RAPGEF4: variants seen among roughly 807,000 people sequenced by gnomAD.
RAPGEF4 encodes the protein RAP guanine-nucleotide-exchange factor (GEF) 4.
In RAPGEF4, 66 loss-of-function variants were observed where a neutral mutation model predicts 147.9. The observed-to-expected ratio is 0.45, with a 90% CI of 0.37 to 0.55. The LOEUF (loss-of-function observed/expected upper bound fraction) is 0.55. Ranked by LOEUF, RAPGEF4 falls within the 20% of genes least tolerant of loss-of-function variation. RAPGEF4 has a pLI of 0.00. For synonymous variants in RAPGEF4, 419 were observed against 442.7 expected (o/e 0.95, Z 0.67); for missense variants, 1,071 against 1,257.3 (o/e 0.85, Z 2.24).
At chr2:172,871,093 GA>G (rs2149810163) in intron 4 of RAPGEF4, among the ~76,000 whole-genome samples, 2 of 152,096 alleles carry the variant, frequency 1.3e-5, no homozygotes, top group East Asian at 1.9e-4. Flanking sequence ...TTTTCTAGGG[GA>G]AAAAAAGAGG....
At position 173,011,168 on chromosome 2, in the gene RAPGEF4, G is replaced by A. The variant is rs552156794; in HGVS notation, c.1659-3296G>A. The stretch of plus-strand genomic sequence containing the variant: ...GGAACCTTGGAACTTCAGCGCGCGC[G>A]CGCACACACACACACACACACACAC... On this transcript the variant is annotated intron_variant, in intron 17 of 30. Coordinates refer to ENST00000397081, the MANE Select transcript of RAPGEF4 (RefSeq NM_007023.4). 2.7e-3 allele frequency among the ~76,000 whole-genome samples: 161 copies of A among 59,866 alleles called. 1 individual carries two copies. The highest frequency in any genetic ancestry group is 0.011 in the African/African-American group (155 of 14,268). The allele number at this position is 59,866 out of a possible 152,430, so 39.3% of individuals were successfully genotyped here. A position where few individuals can be genotyped will look rare whatever the true frequency, so the allele number is the denominator to read the frequency against.
intron 1 of RAPGEF4, among the ~76,000 whole-genome samples, chr2:172,777,447 T>A (rs1395303095): frequency 6.6e-6 from 1 of 152,254 alleles, no homozygotes. Context: ...CTCTGACTGG[T>A]TAGAAGTGCT....
chr2:173,045,868 T>A (rs1685404491), intron 29 of RAPGEF4, among the ~76,000 whole-genome samples: 1 of 152,230 alleles, frequency 6.6e-6, no homozygotes, highest in Admixed American at 6.5e-5. Flanking sequence ...AGGTGACTCC[T>A]GAAGTCTCTT....
rs2468390 is a variant in RAPGEF4, at chr2:172,887,759, G to A, written c.445-30043G>A. Among the ~76,000 whole-genome samples, 494 of 151,980 alleles carry A rather than the reference G, an allele frequency of 3.3e-3. 3 individuals carry two copies. The highest frequency in any genetic ancestry group is 0.012 in the African/African-American group (481 of 41,438). On this transcript the variant is annotated intron_variant, in intron 4 of 30. Transcript: ENST00000397081. ...GTTCCTCTGCTTGCCGAACCTTTTC[G>A]TGCATCTGAGCCTTCGCACATACTG...
At chr2:172,793,179 G>A (rs549296226) in intron 1 of RAPGEF4, among the ~76,000 whole-genome samples, 2 of 152,138 alleles carry the variant, frequency 1.3e-5, no homozygotes, top group East Asian at 1.9e-4. Context: ...CTGTTTTCCC[G>A]GTGTCTCTCT....
At chr2:172,965,496 G>GC in intron 8 of RAPGEF4, 66 bp from the exon 9 acceptor site, 1 of 1,547,314 alleles carries the variant, frequency 6.5e-7, no homozygotes, top group East Asian at 2.2e-5. Context: ...CCTCTCAAAA[G>GC]CCATCTCCCA....
intron 5 of RAPGEF4, 57 bp from the exon 6 acceptor site, chr2:172,922,224 C>A: frequency 6.4e-7 from 1 of 1,551,322 alleles, no homozygotes; most frequent in Non-Finnish European, 8.9e-7. Context: ...TTCAATTCCA[C>A]TTTACCGGTT....
intron 1 of RAPGEF4, among the ~76,000 whole-genome samples, chr2:172,791,251 C>T (rs1439345487): frequency 6.6e-6 from 1 of 152,106 alleles, no homozygotes; most frequent in African/African-American, 2.4e-5. Flanking sequence ...CTATTTAGAC[C>T]ATAGCAGAGG....
intron 30 of RAPGEF4, among the ~76,000 whole-genome samples, chr2:173,051,025 G>A (rs948115349): frequency 6.6e-6 from 1 of 152,200 alleles, no homozygotes; most frequent in African/African-American, 2.4e-5. Flanking sequence ...TGAGTTTTCA[G>A]AGCAGATAGC....
intron 4 of RAPGEF4, among the ~76,000 whole-genome samples, chr2:172,818,556 T>A (rs559825461): frequency 6.6e-6 from 1 of 152,258 alleles, no homozygotes; most frequent in African/African-American, 2.4e-5. Flanking sequence ...TTTTGAGGAA[T>A]GTCCTGGTGG....
At chr2:173,020,149 T>C (rs1180069580) in intron 22 of RAPGEF4, among the ~76,000 whole-genome samples, 1 of 152,246 alleles carries the variant, frequency 6.6e-6, no homozygotes, top group East Asian at 1.9e-4. Context: ...GGAGGCTTAA[T>C]CTAGTTAATG....
intron 29 of RAPGEF4, among the ~76,000 whole-genome samples, chr2:173,047,223 T>C (rs1006131009): frequency 4.6e-5 from 7 of 152,184 alleles, no homozygotes; most frequent in African/African-American, 7.2e-5. Flanking sequence ...GGAGCGTAGG[T>C]CTCATCAGTG....
chr2:172,744,209 C>G, intron 1 of RAPGEF4: 1 of 278,702 alleles, frequency 3.6e-6, no homozygotes, highest in Non-Finnish European at 7.1e-6. Context: ...TATTTCAGGG[C>G]CTTAGCATCT....
chr2:172,862,804 A>G (rs1185173659), intron 4 of RAPGEF4, among the ~76,000 whole-genome samples: 1 of 152,208 alleles, frequency 6.6e-6, no homozygotes, highest in Admixed American at 6.5e-5. Flanking sequence ...AAATGAAGAA[A>G]GTAACATTCA....
chr2:172,889,834 G>T lies in RAPGEF4; in HGVS notation c.445-27968G>T, dbSNP rs879687037. On this transcript the variant is annotated intron_variant, in intron 4 of 30. Transcript: ENST00000397081. ...TATTTAAACTCCTGGACCATATGTG[G>T]CTTCTCTTAGCAGATTTTGCAAAGG... 7 of 980,236 alleles carry T rather than the reference G, an allele frequency of 7.1e-6. No individual in the cohort carries two copies. In the Admixed American group the frequency reaches 4.3e-4, roughly 60 times the overall value. The allele number at this position is 980,236 out of a possible 1,614,324, so 60.7% of individuals were successfully genotyped here.
At chr2:173,037,469 C>T (rs990705912) in intron 29 of RAPGEF4, among the ~76,000 whole-genome samples, 1 of 152,088 alleles carries the variant, frequency 6.6e-6, no homozygotes, top group Non-Finnish European at 1.5e-5. Flanking sequence ...TTACTCCTAG[C>T]GGGGGGGAAA....
intron 6 of RAPGEF4, among the ~76,000 whole-genome samples, chr2:172,922,937 G>A (rs189920288): frequency 2.6e-5 from 4 of 152,284 alleles, no homozygotes; most frequent in Admixed American, 6.5e-5. Context: ...CAACAACATG[G>A]AAGGGTTAAC....
chr2:172,948,614 T>C (rs902735870), intron 6 of RAPGEF4, among the ~76,000 whole-genome samples: 8 of 152,192 alleles, frequency 5.3e-5, no homozygotes, highest in African/African-American at 1.9e-4. Context: ...CATGGAATAC[T>C]ATGCAGCCAT....
At chr2:172,792,014 A>G (rs989506394) in intron 1 of RAPGEF4, among the ~76,000 whole-genome samples, 5 of 152,242 alleles carry the variant, frequency 3.3e-5, no homozygotes, top group South Asian at 4.1e-4. Context: ...ATCAATGTCC[A>G]GTCAGTTTCT....
Sources: gnomAD v4.1 joint callset for allele counts (sites outside exome capture counted in the v4.1 genomes callset) on GRCh38, gnomAD v4.1.1 for gene constraint, MANE v1.5 for transcripts, NCBI Gene and HGNC (gene_info 2026-07-23, HGNC 2026-07-21) for gene names.